Variants in FRMPD4 observed in about 807,000 individuals in gnomAD.
The protein encoded by FRMPD4 is FERM and PDZ domain containing 4, also known as FERM and PDZ domain-containing protein 4.
Under a neutral mutation model 94.1 loss-of-function variants are expected in FRMPD4, and 22 were observed. That is an observed-to-expected ratio of 0.23 (90% CI 0.17 to 0.33). The LOEUF (loss-of-function observed/expected upper bound fraction) is 0.33, where lower values mean the gene tolerates loss of function less well. Ranked by LOEUF, FRMPD4 falls within the 10% of genes least tolerant of loss-of-function variation. FRMPD4 has a pLI of 1.00. For synonymous variants in FRMPD4, 631 were observed against 548.6 expected (o/e 1.15, Z -2.10); for missense variants, 1,111 against 1,339.9 (o/e 0.83, Z 2.67).
Position 12,579,597 on chromosome X carries a change from T to C in FRMPD4, c.159-30124T>C, listed in dbSNP as rs761707556. Among the ~76,000 whole-genome samples, 14 of 112,202 alleles carry C rather than the reference T, an allele frequency of 1.2e-4. No individual in the cohort carries two copies. The South Asian group carries it at 5.2e-3, about 42-fold the overall frequency. On this transcript the variant is annotated intron_variant, in intron 2 of 16. Transcript: ENST00000675598. ...GCTTGCTAGCAGATGTTTAGCTTTC[T>C]AGCTCCATTGTAAAGTAGTAATGCT...
intron 1 of FRMPD4, among the ~76,000 whole-genome samples, chrX:12,174,860 A>T (rs920790001): frequency 7.1e-5 from 8 of 112,263 alleles, no homozygotes; most frequent in Non-Finnish European, 1.5e-4. Flanking sequence ...TGGTCCACTT[A>T]ACCTGCCTCT....
chrX:12,009,511 G>A lies in FRMPD4; in HGVS notation c.95+131493G>A, dbSNP rs146364628. On this transcript the variant is annotated intron_variant, in intron 3 of 18. Transcript: ENST00000640291. ...AATGTCCTGTTATTATTACTATTCT[G>A]CTTTTTCCGGTGTTTCATAACAGCT... is the stretch of plus-strand genomic sequence containing the variant. 6.3e-4 allele frequency among the ~76,000 whole-genome samples: 71 copies of A among 112,124 alleles called. No individual in the cohort carries two copies. In the East Asian group the frequency reaches 0.018, roughly 28 times the overall value.
intron 1 of FRMPD4, among the ~76,000 whole-genome samples, chrX:12,211,001 TG>T (rs752910730): frequency 8.9e-6 from 1 of 112,675 alleles, no homozygotes; most frequent in East Asian, 2.8e-4. Context: ...AAGGTACTTT[TG>T]TTAAAATGAA....
At chrX:12,470,939 A>T (rs2057504733) in intron 1 of FRMPD4, among the ~76,000 whole-genome samples, 1 of 112,145 alleles carries the variant, frequency 8.9e-6, no homozygotes, top group Non-Finnish European at 1.9e-5. Context: ...CTAGTCATCC[A>T]TCCATCTATC....
intron 3 of FRMPD4, among the ~76,000 whole-genome samples, chrX:11,993,842 G>A (rs2054480110): frequency 8.9e-6 from 1 of 112,121 alleles, no homozygotes; most frequent in African/African-American, 3.2e-5. Context: ...AAATATGTCT[G>A]AGGGCAAAGA....
intron 1 of FRMPD4, among the ~76,000 whole-genome samples, chrX:12,238,992 G>C (rs1462501692): frequency 1.8e-5 from 2 of 112,210 alleles, no homozygotes; most frequent in African/African-American, 6.5e-5. Context: ...CTCTTTTGTG[G>C]TTCCATCTGC....
At chrX:12,579,022 A>G (rs982686481) in intron 2 of FRMPD4, among the ~76,000 whole-genome samples, 12 of 112,281 alleles carry the variant, frequency 1.1e-4, no homozygotes, top group African/African-American at 3.9e-4. Flanking sequence ...GGGTGAAAAA[A>G]AGAAACTGCT....
intron 3 of FRMPD4, among the ~76,000 whole-genome samples, chrX:11,997,734 C>T (rs764593501): frequency 1.1e-4 from 12 of 111,288 alleles, no homozygotes; most frequent in Non-Finnish European, 1.9e-4. Context: ...TAAGACTTCT[C>T]TTCAAGTTAT....
intron 3 of FRMPD4, among the ~76,000 whole-genome samples, chrX:12,013,221 G>A (rs2054589575): frequency 8.9e-6 from 1 of 111,776 alleles, no homozygotes; most frequent in African/African-American, 3.3e-5. Flanking sequence ...TGTTTCAGAG[G>A]CCTTTCTTTC....
rs750075304 is a variant in FRMPD4 at position 12,172,849 on chromosome X, TTA to T, written c.41+33839_41+33840del. Among the ~76,000 whole-genome samples, 10 of 112,676 alleles carry T rather than the reference TTA, an allele frequency of 8.9e-5. No homozygotes were observed. In the East Asian group the frequency reaches 1.9e-3, roughly 22 times the overall value. On this transcript the variant is annotated intron_variant, in intron 1 of 16. Coordinates refer to ENST00000675598, the MANE Select transcript of FRMPD4 (RefSeq NM_001368397.1). The stretch of plus-strand genomic sequence containing the variant: ...AAGAAACCTTTCTTTAAAGCAAATG[TTA>T]TCTGCAGGGATGTGATTCTGTCTAT...
At chrX:12,164,135 G>C (rs1200653126) in intron 1 of FRMPD4, among the ~76,000 whole-genome samples, 2 of 110,174 alleles carry the variant, frequency 1.8e-5, no homozygotes, top group African/African-American at 3.3e-5. Flanking sequence ...CCATGTTGGT[G>C]TGCTGCACTC....
intron 1 of FRMPD4, among the ~76,000 whole-genome samples, chrX:12,318,832 A>G (rs4638046): frequency 0.088 from 9,784 of 110,856 alleles, 1,116 homozygotes; most frequent in African/African-American, 0.3. Flanking sequence ...TATTTTAATT[A>G]CCCAGATTCG....
chrX:11,874,996 A>G (rs987545909), intron 2 of FRMPD4, among the ~76,000 whole-genome samples: 1 of 112,555 alleles, frequency 8.9e-6, no homozygotes, highest in Non-Finnish European at 1.9e-5. Context: ...TGGAAAGAGG[A>G]GGCAGAGGCC....
chrX:12,601,183 A>C (rs2059081566), intron 2 of FRMPD4, among the ~76,000 whole-genome samples: 1 of 111,927 alleles, frequency 8.9e-6, no homozygotes, highest in African/African-American at 3.2e-5. Context: ...AACAGTTCTA[A>C]ATCTTTAAAT....
intron 1 of FRMPD4, among the ~76,000 whole-genome samples, chrX:12,280,132 T>G (rs765201650): frequency 9.1e-6 from 1 of 109,810 alleles, no homozygotes; most frequent in Non-Finnish European, 1.9e-5. Context: ...ACACGTCCAC[T>G]CTCCAATCTC....
At chrX:12,679,547 C>T (rs2147097999) in intron 5 of FRMPD4, among the ~76,000 whole-genome samples, 1 of 111,800 alleles carries the variant, frequency 8.9e-6, no homozygotes, top group East Asian at 2.8e-4. Flanking sequence ...GGAAAGAGTA[C>T]TTGTGGCAGG....
intron 1 of FRMPD4, among the ~76,000 whole-genome samples, chrX:12,329,509 G>T (rs1187132106): frequency 9.0e-6 from 1 of 110,693 alleles, no homozygotes; most frequent in Non-Finnish European, 1.9e-5. Flanking sequence ...TCAGTTTGGG[G>T]TATTGCTTTC....
intron 1 of FRMPD4, among the ~76,000 whole-genome samples, chrX:12,355,182 CTT>C (rs546045763): frequency 0.025 from 2,601 of 102,016 alleles, 75 homozygotes; most frequent in African/African-American, 0.089. Context: ...GAGATGCTAC[CTT>C]TTTTTTTTTT....
intron 3 of FRMPD4, among the ~76,000 whole-genome samples, chrX:12,015,317 A>G (rs2054599575): frequency 9.0e-6 from 1 of 111,312 alleles, no homozygotes; most frequent in Non-Finnish European, 1.9e-5. Context: ...AAAGAAGAGA[A>G]CACACTGCCC....
Sources: allele counts gnomAD v4.1 joint callset (sites outside exome capture counted in the v4.1 genomes callset), GRCh38; gene constraint gnomAD v4.1.1; transcripts MANE v1.5; gene names NCBI Gene and HGNC (gene_info 2026-07-23, HGNC 2026-07-21).